Variants in TMED9 observed in about 807,000 individuals in gnomAD.
TMED9 encodes the protein transmembrane p24 trafficking protein 9.
In TMED9, 22 loss-of-function variants were observed where a neutral mutation model predicts 30.6. The ratio of observed to expected loss-of-function variants is 0.72; its 90% CI spans 0.51 to 1.03. The LOEUF (loss-of-function observed/expected upper bound fraction) is 1.03. TMED9 is among the 50% of genes least tolerant of loss of function. TMED9 has a pLI of 0.00. For synonymous variants in TMED9, 146 were observed against 122.8 expected (o/e 1.19, Z -1.25); for missense variants, 251 against 302.1 (o/e 0.83, Z 1.25).
intron 3 of TMED9, 85 bp from the exon 4 acceptor site, chr5:177,594,054 G>A: frequency 6.4e-7 from 1 of 1,560,026 alleles, no homozygotes; most frequent in Non-Finnish European, 8.8e-7. Flanking sequence ...ACAGATGAAG[G>A]AAAGTCGGGG....
In TMED9 at chr5:177,594,210, G is replaced by C; in HGVS notation, c.483G>C (p.Leu161Phe). 1 of 1,614,228 alleles carries C rather than the reference G, an allele frequency of 6.2e-7. No homozygotes were observed. The highest frequency in any genetic ancestry group is 8.5e-7 in the Non-Finnish European group (1 of 1,180,050). The change falls in exon 4 of 5, where the codon TTG becomes TTC. Residue 161 changes from leucine to phenylalanine, a missense_variant. By Grantham distance (22) the Leu-to-Phe change is conservative. Transcript: ENST00000332598. ...DYAEIAAKDK[L>F]SELQLRVRQL... ...CAGAAATTGCTGCTAAAGACAAGTT[G>C]AGTGAGTTGCAGCTACGAGTGCGAC...
chr5:177,592,489 G>A lies in TMED9; in HGVS notation c.185-86G>A, dbSNP rs1387522711. ...GACAGTCAGCTCTCTAGAGCCGGGAGGAGACGGCCTCGCCGTGCCCAGGCG... is the reference window on the plus strand; with the variant it reads ...GACAGTCAGCTCTCTAGAGCCGGGAAGAGACGGCCTCGCCGTGCCCAGGCG... On this transcript the variant is annotated intron_variant, in intron 1 of 4. Transcript: ENST00000332598. 1.9e-6 allele frequency: 3 copies of A among 1,557,006 alleles called. No individual in the cohort carries two copies. The African/African-American group carries it at 4.1e-5, about 21-fold the overall frequency.
At chr5:177,594,034 G>T in intron 3 of TMED9, 105 bp from the exon 4 acceptor site, 1 of 1,471,386 alleles carries the variant, frequency 6.8e-7, no homozygotes, top group Non-Finnish European at 9.3e-7. Context: ...CCAGTCTGTT[G>T]GCTAAATGAA....
chr5:177,593,726 G>A lies in TMED9; in HGVS notation c.362G>A (p.Cys121Tyr). 1 of 1,614,218 alleles carries A rather than the reference G, an allele frequency of 6.2e-7. No individual in the cohort carries two copies. Reference sequence around the variant, plus strand: ...CATACCCCTGGTGAGCACCAGATCTGTCTTCACTCCAATTCCACCAAGTTC... The same window carrying A: ...CATACCCCTGGTGAGCACCAGATCTATCTTCACTCCAATTCCACCAAGTTC... Reference protein sequence around the residue: ...TSHTPGEHQICLHSNSTKFSL... With the variant: ...TSHTPGEHQIYLHSNSTKFSL... The change falls in exon 3 of 5, where the codon TGT becomes TAT. Residue 121 changes from cysteine (C) to tyrosine (Y), a missense_variant. Around this residue, in one of 2 missense-constraint regions of TMED9, gnomAD observed 153 missense variants for 239.6 expected, o/e 0.64. Coordinates refer to ENST00000332598, the MANE Select transcript of TMED9 (RefSeq NM_017510.6).
At position 177,595,152 on chromosome 5, in the gene TMED9, A is replaced by G. The variant is rs1183034594; in HGVS notation, c.559-115A>G. ...GTCCCCAGGTAGAGTGACACTTTGC[A>G]GGCACTTGGCTGGAACCTGGGCAAA... On this transcript the variant is annotated intron_variant, in intron 4 of 4. Transcript: ENST00000332598. 3.5e-6 allele frequency: 4 copies of G among 1,131,876 alleles called. No individual in the cohort carries two copies. The South Asian group carries it at 5.2e-5, about 15-fold the overall frequency. 70.1% of individuals were successfully genotyped at this position (1,131,876 alleles called of 1,614,324 possible). A position where few individuals can be genotyped will look rare whatever the true frequency, so the allele number is the denominator to read the frequency against.
intron 3 of TMED9, 112 bp from the exon 4 acceptor site, chr5:177,594,027 G>A (rs537826733): frequency 1.0e-5 from 15 of 1,432,838 alleles, no homozygotes; most frequent in Admixed American, 1.8e-5. Context: ...AGAGGGCCCA[G>A]TCTGTTGGCT....
In TMED9 at chr5:177,595,573, G is replaced by GT; in HGVS notation, c.*157_*158insT. ...AGGCACAAGCTGAAGGCAGCAGCTT[G>GT]GCTAATACTGAGCAGGTAGTGGGGC... On this transcript the variant is annotated 3_prime_UTR_variant, in exon 5 of 5. Transcript: ENST00000332598. The GT allele has an allele frequency of 2.3e-6, 2 of 871,692 alleles. No individual in the cohort carries two copies. The highest frequency in any genetic ancestry group is 3.4e-6 in the Non-Finnish European group (2 of 587,854). The allele number at this position is 871,692 out of a possible 1,614,324, so 54.0% of individuals were successfully genotyped here.
intron 2 of TMED9, 142 bp downstream of exon 2, chr5:177,592,817 G>C: frequency 3.1e-6 from 2 of 644,394 alleles, no homozygotes; most frequent in Non-Finnish European, 5.5e-6. Context: ...GACCCCGCCC[G>C]GTCTGTGAAA....
Position 177,595,570 on chromosome 5 carries a change from C to A in TMED9, c.*154C>A. ...CACAGGCACAAGCTGAAGGCAGCAGCTTGGCTAATACTGAGCAGGTAGTGG... is the reference window on the plus strand; with the variant it reads ...CACAGGCACAAGCTGAAGGCAGCAGATTGGCTAATACTGAGCAGGTAGTGG... On this transcript the variant is annotated 3_prime_UTR_variant, in exon 5 of 5. Transcript: ENST00000332598. 1.1e-6 allele frequency: 1 copy of A among 923,300 alleles called. No individual in the cohort carries two copies. The highest frequency in any genetic ancestry group is 1.6e-6 in the Non-Finnish European group (1 of 627,870). The allele number at this position is 923,300 out of a possible 1,614,324, so 57.2% of individuals were successfully genotyped here. A position where few individuals can be genotyped will look rare whatever the true frequency, so the allele number is the denominator to read the frequency against.
At position 177,593,670 on chromosome 5, in the gene TMED9, T is replaced by C. The variant is rs745522741; in HGVS notation, c.306T>C (p.Tyr102=). 8 of 1,614,226 alleles carry C rather than the reference T, an allele frequency of 5.0e-6. No individual in the cohort carries two copies. In the South Asian group the frequency reaches 8.8e-5, roughly 18 times the overall value. Residue 102 remains tyrosine (Y), a synonymous_variant, in exon 3 of 5, where the codon TAT becomes TAC. Transcript: ENST00000332598. ...PEDKVILARQ[Y]GSEGRFTFTS... ...TCCAGGTCATCCTGGCCCGGCAGTA[T>C]GGCTCCGAGGGCAGGTTCACTTTCA...
At position 177,594,194 on chromosome 5, in the gene TMED9, C is replaced by T; in HGVS notation, c.467C>T (p.Ala156Val). The stretch of plus-strand genomic sequence containing the variant: ...CATGCCAATGACTATGCAGAAATTG[C>T]TGCTAAAGACAAGTTGAGTGAGTTG... ...GEHANDYAEI[A>V]AKDKLSELQL... The change falls in exon 4 of 5, where the codon GCT (alanine) becomes GTT (valine). Residue 156 changes from alanine (A) to valine (V), a missense_variant. Ala to Val is a moderately conservative substitution (Grantham distance 64, BLOSUM62 0). This residue lies in a region of TMED9 where 153 missense variants were observed against 239.6 expected (regional missense o/e 0.64). Transcript: ENST00000332598. 1 of 1,614,234 alleles carries T rather than the reference C, an allele frequency of 6.2e-7. No individual in the cohort carries two copies. The highest frequency in any genetic ancestry group is 8.5e-7 in the Non-Finnish European group (1 of 1,180,046).
In TMED9 at chr5:177,592,312, C is replaced by T. The variant is rs1356301215; in HGVS notation, c.98C>T (p.Thr33Met). 5.6e-6 allele frequency: 9 copies of T among 1,605,704 alleles called. No homozygotes were observed. The highest frequency in any genetic ancestry group is 7.7e-6 in the Non-Finnish European group (9 of 1,176,396). The change falls in exon 1 of 5, where the codon ACG (threonine) becomes ATG (methionine). Residue 33 changes from threonine to methionine, a missense_variant. Physicochemically the swap from Thr to Met is moderately conservative, Grantham distance 81. Around this residue, in one of 2 missense-constraint regions of TMED9, gnomAD observed 98 missense variants for 62.5 expected, o/e 1.57. Transcript: ENST00000332598. ...CTCCTGCTGGTGCTGTGGCTGGCGA[C>T]GCGCGGAAGCGCGCTCTACTTTCAC... is the stretch of plus-strand genomic sequence containing the variant. ...RTLLLVLWLA[T>M]RGSALYFHIG...
intron 3 of TMED9, 159 bp downstream of exon 3, chr5:177,593,934 C>T (rs753504354): frequency 2.4e-6 from 3 of 1,227,566 alleles, no homozygotes; most frequent in Admixed American, 2.1e-5. Flanking sequence ...TGACTGAGCT[C>T]TTTGTACATG....
chr5:177,594,060 C>T (rs772623102), intron 3 of TMED9, 79 bp from the exon 4 acceptor site: 44 of 1,569,896 alleles, frequency 2.8e-5, no homozygotes, highest in Non-Finnish European at 3.6e-5. Context: ...GAAGGAAAGT[C>T]GGGGATGAGC....
chr5:177,592,232 CGTGCTGCT>C lies in TMED9; in HGVS notation c.19_26del (p.Val7ArgfsTer11). ...GGAGCAAGATGGCTGTGGAGCTGGG[CGTGCTGCT>C]CGTCCGGCCCCGGCCCGGAACCGGG... is the stretch of plus-strand genomic sequence containing the variant. On this transcript the variant is annotated frameshift_variant, in exon 1 of 5. Transcript: ENST00000332598. LOFTEE classifies it high-confidence loss of function. 2.5e-6 allele frequency: 4 copies of C among 1,607,332 alleles called. No individual in the cohort carries two copies. Among genetic ancestry groups the C allele is most frequent in the Non-Finnish European group, 3.4e-6 (4 of 1,177,714 alleles).
At chr5:177,593,553 G>A in intron 2 of TMED9, 97 bp from the exon 3 acceptor site, 2 of 1,484,308 alleles carry the variant, frequency 1.3e-6, no homozygotes, top group South Asian at 1.2e-5. Context: ...GAAAGGCTGT[G>A]CCTGTCAACT....
At chr5:177,592,949 C>T (rs1388076738) in intron 2 of TMED9, among the ~76,000 whole-genome samples, 1 of 152,042 alleles carries the variant, frequency 6.6e-6, no homozygotes, top group East Asian at 1.9e-4. Flanking sequence ...TTAATCTTCC[C>T]AAGTAAGGAT....
rs368996942 is a variant in TMED9, at chr5:177,596,179, G to A, written c.*763G>A. ...CTGCAGGGTGCCTCAGGGAATGCCA[G>A]TTCTTCCAAAGAGCAAAGCACTTCA... On this transcript the variant is annotated 3_prime_UTR_variant, in exon 5 of 5. Transcript: ENST00000332598. 6.6e-6 allele frequency: 1 copy of A among 152,650 alleles called. No homozygotes were observed. Among genetic ancestry groups the A allele is most frequent in the South Asian group, 2.1e-4 (1 of 4,826 alleles). 9.5% of individuals were successfully genotyped at this position (152,650 alleles called of 1,614,324 possible).
chr5:177,592,944 C>G (rs980381624), intron 2 of TMED9, among the ~76,000 whole-genome samples: 8 of 152,152 alleles, frequency 5.3e-5, no homozygotes, highest in African/African-American at 1.9e-4. Context: ...AGCTTTTAAT[C>G]TTCCCAAGTA....
Sources: gnomAD v4.1 joint callset for allele counts (sites outside exome capture counted in the v4.1 genomes callset) on GRCh38, gnomAD v4.1.1 for gene constraint, gnomAD v4.1.1 regional missense constraint, MANE v1.5 for transcripts, NCBI Gene and HGNC (gene_info 2026-07-23, HGNC 2026-07-21) for gene names.